Variants in GHR observed in about 807,000 individuals in gnomAD.
GHR encodes growth hormone receptor, also known as GH receptor.
GHR carries 35 observed loss-of-function variants against 67.1 expected under a neutral mutation model. The ratio of observed to expected loss-of-function variants is 0.52; its 90% CI spans 0.40 to 0.69. The LOEUF is 0.69. GHR is among the 30% of genes least tolerant of loss of function. The pLI is 0.00. For synonymous variants in GHR, 272 were observed against 269.1 expected (o/e 1.01, Z -0.10); for missense variants, 792 against 764.6 (o/e 1.04, Z -0.42).
At chr5:42,514,770 C>A (rs1166489261) in intron 1 of GHR, 1 of 152,218 alleles carries the variant, frequency 6.6e-6, no homozygotes. Context: ...TCCCCCATTT[C>A]ATTGCTAAGA....
intron 2 of GHR, among the ~76,000 whole-genome samples, chr5:42,600,548 G>T (rs906318431): frequency 2.0e-5 from 3 of 152,226 alleles, no homozygotes; most frequent in Non-Finnish European, 2.9e-5. Flanking sequence ...AGTAAGAAGT[G>T]AAAGCTCCTG....
intron 3 of GHR, chr5:42,659,379 G>T (rs2112854346): frequency 6.6e-6 from 1 of 152,170 alleles, no homozygotes; most frequent in Middle Eastern, 3.4e-3. Context: ...AAGGAAATAA[G>T]GTAGGAAAGT....
intron 3 of GHR, among the ~76,000 whole-genome samples, chr5:42,641,489 C>G (rs1754473098): frequency 6.6e-6 from 1 of 152,094 alleles, no homozygotes; most frequent in Non-Finnish European, 1.5e-5. Flanking sequence ...TCCAGGCTAG[C>G]CCAGGGCAGC....
intron 1 of GHR, among the ~76,000 whole-genome samples, chr5:42,509,024 G>T (rs1016424915): frequency 1.3e-5 from 2 of 152,182 alleles, no homozygotes; most frequent in Non-Finnish European, 2.9e-5. Context: ...AGCCTGTACT[G>T]GTTACCTTTC....
chr5:42,447,129 T>C (rs1329417231), intron 1 of GHR, among the ~76,000 whole-genome samples: 1 of 152,214 alleles, frequency 6.6e-6, no homozygotes, highest in Non-Finnish European at 1.5e-5. Context: ...TAAGTTTTGC[T>C]TTACTTATTT....
rs1753840678 is a variant in GHR, at chr5:42,629,229, T to C, written c.136+126T>C. 6.2e-6 allele frequency: 4 copies of C among 641,686 alleles called. 1 individual carries two copies. The Admixed American group carries it at 7.0e-5, about 11-fold the overall frequency. The allele number at this position is 641,686 out of a possible 1,614,324, so 39.7% of individuals were successfully genotyped here. On this transcript the variant is annotated intron_variant, in intron 3 of 9. Coordinates refer to ENST00000230882, the MANE Select transcript of GHR (RefSeq NM_000163.5). ...TGGAATAGTGACTGAGTTGAAATTT[T>C]ATAGGCAAGCAAAACATTTTTTAAG...
At chr5:42,594,713 T>C (rs1561152790) in intron 2 of GHR, among the ~76,000 whole-genome samples, 1 of 152,180 alleles carries the variant, frequency 6.6e-6, no homozygotes, top group South Asian at 2.1e-4. Context: ...TTTTTCTTTT[T>C]TTTGTCTTGT....
At chr5:42,548,863 G>C (rs1049016350) in intron 1 of GHR, among the ~76,000 whole-genome samples, 6 of 152,194 alleles carry the variant, frequency 3.9e-5, no homozygotes, top group African/African-American at 9.6e-5. Context: ...GGTTTTCAAA[G>C]GTTGTTCTCT....
chr5:42,670,940 C>A (rs1756259591), intron 3 of GHR, among the ~76,000 whole-genome samples: 1 of 146,766 alleles, frequency 6.8e-6, no homozygotes, highest in Non-Finnish European at 1.5e-5. Context: ...AAGCAAGTAT[C>A]ACCCTGATTT....
At chr5:42,540,504 A>G (rs1031776092) in intron 1 of GHR, among the ~76,000 whole-genome samples, 1 of 152,148 alleles carries the variant, frequency 6.6e-6, no homozygotes, top group Non-Finnish European at 1.5e-5. Context: ...TTGAGAAAAA[A>G]ACATTCAAAG....
chr5:42,711,859 G>A (rs986406379), intron 7 of GHR, among the ~76,000 whole-genome samples: 1 of 152,046 alleles, frequency 6.6e-6, no homozygotes, highest in African/African-American at 2.4e-5. Flanking sequence ...TTTAGAAAGC[G>A]GAGGTGTGGC....
chr5:42,687,839 G>C (rs1195970964), intron 3 of GHR, among the ~76,000 whole-genome samples: 1 of 152,014 alleles, frequency 6.6e-6, no homozygotes, highest in Non-Finnish European at 1.5e-5. Flanking sequence ...ATCATATAAG[G>C]AGAAAAAAAT....
At chr5:42,478,222 C>T (rs1192697453) in intron 1 of GHR, among the ~76,000 whole-genome samples, 6 of 152,026 alleles carry the variant, frequency 3.9e-5, no homozygotes, top group South Asian at 2.1e-4. Context: ...CTGAGGGCTC[C>T]GTTCGGTTCC....
At chr5:42,515,962 C>T (rs1013469980) in intron 1 of GHR, among the ~76,000 whole-genome samples, 4 of 152,062 alleles carry the variant, frequency 2.6e-5, no homozygotes, top group East Asian at 1.9e-4. Flanking sequence ...ATTTGTGAAA[C>T]GAATAACAAT....
At chr5:42,645,626 G>A (rs1754691751) in intron 3 of GHR, among the ~76,000 whole-genome samples, 1 of 152,142 alleles carries the variant, frequency 6.6e-6, no homozygotes, top group Non-Finnish European at 1.5e-5. Context: ...GAGAACATTT[G>A]AAATGTGGCC....
chr5:42,624,646 C>CTTCA (rs1554028180), intron 2 of GHR, among the ~76,000 whole-genome samples: 4 of 151,838 alleles, frequency 2.6e-5, no homozygotes, highest in Non-Finnish European at 5.9e-5. Flanking sequence ...TTTCCTTTCA[C>CTTCA]TTTGTTATTA....
chr5:42,529,378 T>C (rs1029005484), intron 1 of GHR, among the ~76,000 whole-genome samples: 3 of 152,168 alleles, frequency 2.0e-5, no homozygotes, highest in Non-Finnish European at 4.4e-5. Context: ...GATATTTGCT[T>C]CATTGCAGTG....
chr5:42,483,545 A>G (rs1220846003), intron 1 of GHR, among the ~76,000 whole-genome samples: 2 of 151,998 alleles, frequency 1.3e-5, no homozygotes, highest in Non-Finnish European at 2.9e-5. Flanking sequence ...CAAAATAATT[A>G]TTTTATTGGT....
Position 42,424,357 on chromosome 5 carries a change from C to T in GHR, c.-12+402C>T. ...TTTTGTTAAAGTCATAAAAGTTTTGCTAGTGTGTTTCTGTTTGCCATCATC... is the reference window on the plus strand; with the variant it reads ...TTTTGTTAAAGTCATAAAAGTTTTGTTAGTGTGTTTCTGTTTGCCATCATC... On this transcript the variant is annotated intron_variant, in intron 1 of 9. Coordinates refer to ENST00000230882, the MANE Select transcript of GHR (RefSeq NM_000163.5). This position sits in a 1 kb window ranked among gnomAD's most constrained non-coding sequence, Gnocchi z 4.1. The T allele has an allele frequency of 1.7e-6, 1 of 590,538 alleles. No individual in the cohort carries two copies. The highest frequency in any genetic ancestry group is 2.8e-5 in the East Asian group (1 of 35,844). The allele number at this position is 590,538 out of a possible 1,614,324, so 36.6% of individuals were successfully genotyped here.
Sources: gnomAD v4.1 joint callset for allele counts (sites outside exome capture counted in the v4.1 genomes callset) on GRCh38, gnomAD v4.1.1 for gene constraint, Gnocchi (gnomAD v3.1) non-coding constraint, MANE v1.5 for transcripts, NCBI Gene and HGNC (gene_info 2026-07-23, HGNC 2026-07-21) for gene names.